Variants in MGST2 observed in about 807,000 individuals in gnomAD.
The protein encoded by MGST2 is glutathione peroxidase MGST2.
In MGST2, 9 loss-of-function variants were observed where a neutral mutation model predicts 16.6. The observed-to-expected ratio is 0.54, with a 90% confidence interval of 0.33 to 0.95. The LOEUF (loss-of-function observed/expected upper bound fraction) is 0.95, where lower values mean the gene tolerates loss of function less well. Ranked by LOEUF, MGST2 falls within the 40% of genes least tolerant of loss-of-function variation. The pLI is 0.03. For missense variants in MGST2, 159 were observed against 175.1 expected, an observed-to-expected ratio of 0.91 and a Z score of 0.52; for synonymous variants, 79 against 68.0, an observed-to-expected ratio of 1.16 and a Z score of -0.79.
At chr4:139,710,493 A>G (rs1455520479) in intron 5 of MGST2, among the ~76,000 whole-genome samples, 1 of 152,114 alleles carries the variant, frequency 6.6e-6, no homozygotes, top group African/African-American at 2.4e-5. Flanking sequence ...AGTAATCAAC[A>G]CTTCTCAGAG....
intron 5 of MGST2, chr4:139,719,406 C>T (rs1446292460): frequency 3.1e-6 from 5 of 1,614,004 alleles, no homozygotes; most frequent in Non-Finnish European, 4.2e-6. Flanking sequence ...ACAAGGTCTG[C>T]ACCGTCCGGG....
At chr4:139,707,633 T>G (rs2110918324), downstream of MGST2, among the ~76,000 whole-genome samples, 1 of 150,344 alleles carries the variant, frequency 6.7e-6, no homozygotes, top group African/African-American at 2.4e-5. Flanking sequence ...ATCGCCACAC[T>G]GACTTCCACA....
At chr4:139,746,306 A>C in the MGST2 span, among the ~76,000 whole-genome samples, 1 of 152,378 alleles carries the variant, frequency 6.6e-6, no homozygotes, top group Non-Finnish European at 1.5e-5. Flanking sequence ...ATTCATCAGT[A>C]CACAACCAGT....
intron 2 of MGST2, among the ~76,000 whole-genome samples, chr4:139,694,236 T>C (rs924285606): frequency 3.4e-4 from 52 of 151,920 alleles, no homozygotes; most frequent in African/African-American, 1.2e-3. Flanking sequence ...TGACCCAGGC[T>C]AAAAGACCTA....
At chr4:139,670,188 G>A (rs1181016443) in intron 1 of MGST2, among the ~76,000 whole-genome samples, 2 of 130,614 alleles carry the variant, frequency 1.5e-5, no homozygotes, top group South Asian at 5.0e-4. Flanking sequence ...AGGTCACAAA[G>A]ACCTTGAGGC....
intron 1 of MGST2, among the ~76,000 whole-genome samples, chr4:139,677,084 G>C (rs8192055): frequency 6.6e-6 from 1 of 152,102 alleles, no homozygotes; most frequent in African/African-American, 2.4e-5. Flanking sequence ...CCCATATCCT[G>C]TCTTGCCACT....
At position 139,695,182 on chromosome 4, in the gene MGST2, TA is replaced by T; in HGVS notation, c.159-14del. The T allele has an allele frequency of 6.3e-7, 1 of 1,589,332 alleles. No homozygotes were observed. Among genetic ancestry groups the T allele is most frequent in the Non-Finnish European group, 8.6e-7 (1 of 1,157,276 alleles). Reference sequence around the variant, plus strand: ...TTTCTCATAAAATAACCTATGTCTTTATTTTTTTCTGCAGACAAAACTGTGT... The same window carrying T: ...TTTCTCATAAAATAACCTATGTCTTTTTTTTTTCTGCAGACAAAACTGTGT... On this transcript the variant is annotated splice_polypyrimidine_tract_variant and intron_variant, in intron 2 of 4. Transcript: ENST00000265498.
intron 1 of MGST2, among the ~76,000 whole-genome samples, chr4:139,667,053 T>C (rs1730395156): frequency 6.6e-6 from 1 of 152,146 alleles, no homozygotes; most frequent in South Asian, 2.1e-4. Flanking sequence ...CTTAGATCTG[T>C]TAAAAGGAAA....
intron 1 of MGST2, among the ~76,000 whole-genome samples, chr4:139,674,927 G>T (rs150413256): frequency 2.0e-5 from 3 of 152,238 alleles, no homozygotes; most frequent in Non-Finnish European, 2.9e-5. Flanking sequence ...GGTTTAACCC[G>T]TGTGTGTGAT....
At chr4:139,711,685 C>T (rs1216524780) in intron 5 of MGST2, among the ~76,000 whole-genome samples, 2 of 152,166 alleles carry the variant, frequency 1.3e-5, no homozygotes, top group South Asian at 2.1e-4. Context: ...TTTGTGCTGA[C>T]CTATCTCATC....
At chr4:139,719,384 A>C in intron 5 of MGST2, 1 of 1,613,080 alleles carries the variant, frequency 6.2e-7, no homozygotes, top group East Asian at 2.2e-5. Context: ...CCCGCCTTTG[A>C]TGATGGAGTC....
intron 2 of MGST2, among the ~76,000 whole-genome samples, chr4:139,682,278 T>TACAACGCTATGG (rs1731288008): frequency 2.0e-5 from 3 of 150,152 alleles, no homozygotes; most frequent in Non-Finnish European, 4.4e-5. Context: ...AGGATAGCGT[T>TACAACGCTATGG]GTAAGAGGGT....
intron 2 of MGST2, among the ~76,000 whole-genome samples, chr4:139,680,440 T>C (rs1731182008): frequency 6.6e-6 from 1 of 152,238 alleles, no homozygotes; most frequent in Non-Finnish European, 1.5e-5. Flanking sequence ...AATACATTTT[T>C]CTGTCTTGGA....
At chr4:139,707,987 T>G (rs1488303010), downstream of MGST2, among the ~76,000 whole-genome samples, 5 of 152,074 alleles carry the variant, frequency 3.3e-5, no homozygotes, top group South Asian at 6.2e-4. Context: ...TTGCAAAAAT[T>G]TTCTCCCATT....
chr4:139,717,434 C>T (rs1728024343), intron 5 of MGST2: 2 of 152,222 alleles, frequency 1.3e-5, no homozygotes, highest in Non-Finnish European at 2.9e-5. Context: ...GGCATCACTC[C>T]CCATTTGGGG....
chr4:139,666,383 G>A (rs1204074395), intron 1 of MGST2, among the ~76,000 whole-genome samples: 2 of 152,104 alleles, frequency 1.3e-5, no homozygotes, highest in African/African-American at 4.8e-5. Context: ...CCCACAGCCC[G>A]TTCAAACGAG....
intron 5 of MGST2, chr4:139,718,175 G>A (rs1728069143): frequency 6.6e-6 from 1 of 152,222 alleles, no homozygotes; most frequent in Non-Finnish European, 1.5e-5. Flanking sequence ...AATATCAGAT[G>A]TGGCTCACAA....
intron 5 of MGST2, among the ~76,000 whole-genome samples, chr4:139,711,032 G>C (rs1261566467): frequency 7.2e-6 from 1 of 138,724 alleles, no homozygotes; most frequent in Non-Finnish European, 1.6e-5. Flanking sequence ...TTTTTGTTTT[G>C]AGACAGGGTC....
At chr4:139,746,032 A>G in the MGST2 span, among the ~76,000 whole-genome samples, 20 of 152,266 alleles carry the variant, frequency 1.3e-4, no homozygotes, top group African/African-American at 4.1e-4. Context: ...AGTAATAACG[A>G]AAGTTCTATG....
Sources: allele counts gnomAD v4.1 joint callset (sites outside exome capture counted in the v4.1 genomes callset), GRCh38; gene constraint gnomAD v4.1.1; transcripts MANE v1.5; gene names NCBI Gene and HGNC (gene_info 2026-07-23, HGNC 2026-07-21).